Variants in NAALADL2 observed in about 807,000 individuals in gnomAD.
The protein encoded by NAALADL2 is inactive N-acetylated-alpha-linked acidic dipeptidase-like protein 2.
A neutral mutation model predicts 87.2 loss-of-function variants in NAALADL2; 76 were observed. The observed-to-expected ratio is 0.87, with a 90% confidence interval of 0.72 to 1.05. The LOEUF (loss-of-function observed/expected upper bound fraction) is 1.05. Ranked by LOEUF, NAALADL2 falls within the 50% of genes least tolerant of loss-of-function variation. The pLI, the probability that NAALADL2 is intolerant of heterozygous loss-of-function variation, is 0.00. For synonymous variants in NAALADL2, 354 were observed against 331.0 expected (o/e 1.07, Z -0.75); for missense variants, 1,089 against 945.8 (o/e 1.15, Z -1.99).
At chr3:175,511,735 G>C (rs1731186996) in intron 9 of NAALADL2, among the ~76,000 whole-genome samples, 1 of 152,158 alleles carries the variant, frequency 6.6e-6, no homozygotes, top group Admixed American at 6.5e-5. Flanking sequence ...CACAGATTCT[G>C]ACAGAGCCAT....
Position 174,789,614 on chromosome 3 carries a change from G to A in NAALADL2, c.-9+51868G>A, listed in dbSNP as rs533901562. The stretch of plus-strand genomic sequence containing the variant: ...ACAAAAACACAAGAAAACAAAACTA[G>A]AACATGTTTTTAAAACAGCACCCAA... On this transcript the variant is annotated intron_variant, in intron 3 of 3. Coordinates refer to the NAALADL2 transcript ENST00000434257. Among the ~76,000 whole-genome samples, 8 of 152,172 alleles carry A rather than the reference G, an allele frequency of 5.3e-5. No individual in the cohort carries two copies. In the South Asian group the frequency reaches 1.7e-3, roughly 32 times the overall value.
chr3:174,568,838 A>G (rs756793310), intron 2 of NAALADL2, among the ~76,000 whole-genome samples: 16 of 151,406 alleles, frequency 1.1e-4, no homozygotes, highest in Admixed American at 5.3e-4. Flanking sequence ...TTTTTTTAAA[A>G]TTATTATTCT....
intron 1 of NAALADL2, among the ~76,000 whole-genome samples, chr3:174,503,837 C>A (rs1448766345): frequency 1.3e-5 from 2 of 151,968 alleles, no homozygotes; most frequent in African/African-American, 4.8e-5. Context: ...CAGAATTTTT[C>A]TTTTATTGAA....
At chr3:175,434,893 T>C (rs898955711) in intron 5 of NAALADL2, among the ~76,000 whole-genome samples, 2 of 152,044 alleles carry the variant, frequency 1.3e-5, no homozygotes, top group African/African-American at 2.4e-5. Context: ...CTAGATATTT[T>C]ATCTGTCTCT....
rs1754868544 is a variant in NAALADL2 at position 175,808,119 on chromosome 3, T to C, written c.*4916T>C. ...TTTTAGTTTCATAATATCGTTCCAT[T>C]GCCTGACAAAGATATACACACTGAA... On this transcript the variant is annotated 3_prime_UTR_variant, in exon 14 of 14. Coordinates refer to ENST00000454872, the MANE Select transcript of NAALADL2 (RefSeq NM_207015.3). 6.6e-6 allele frequency: 1 copy of C among 151,924 alleles called. No homozygotes were observed. The highest frequency in any genetic ancestry group is 6.6e-5 in the Admixed American group (1 of 15,194). The allele number at this position is 151,924 out of a possible 1,614,324, so 9.4% of individuals were successfully genotyped here.
chr3:175,129,477 AC>A (rs1451487880), intron 2 of NAALADL2, among the ~76,000 whole-genome samples: 1 of 151,634 alleles, frequency 6.6e-6, no homozygotes, highest in Non-Finnish European at 1.5e-5. Context: ...CCCATTCCCC[AC>A]CCCTGTCCAG....
At chr3:175,689,716 G>A (rs558570263) in intron 11 of NAALADL2, among the ~76,000 whole-genome samples, 2 of 152,156 alleles carry the variant, frequency 1.3e-5, no homozygotes, top group South Asian at 2.1e-4. Flanking sequence ...ACTGGTCTCC[G>A]ATGTTTAGAG....
intron 11 of NAALADL2, among the ~76,000 whole-genome samples, chr3:175,654,511 G>T (rs1731190695): frequency 6.6e-6 from 1 of 152,082 alleles, no homozygotes; most frequent in South Asian, 2.1e-4. Context: ...CATTGACTTT[G>T]CTTTATCTCA....
At chr3:175,172,537 C>T (rs1734998584) in intron 2 of NAALADL2, among the ~76,000 whole-genome samples, 1 of 152,080 alleles carries the variant, frequency 6.6e-6, no homozygotes. Context: ...TAATATGTCA[C>T]ACATTTAATA....
intron 1 of NAALADL2, among the ~76,000 whole-genome samples, chr3:174,979,810 A>G (rs1352956051): frequency 2.6e-5 from 4 of 152,180 alleles, no homozygotes; most frequent in African/African-American, 9.7e-5. Context: ...AAATAGAAAT[A>G]TTTCTGGCAT....
At chr3:175,406,060 C>T (rs1205593298) in intron 5 of NAALADL2, among the ~76,000 whole-genome samples, 3 of 152,050 alleles carry the variant, frequency 2.0e-5, no homozygotes, top group East Asian at 1.9e-4. Flanking sequence ...AGTTTATAGC[C>T]GGTGTTGCAG....
intron 1 of NAALADL2, among the ~76,000 whole-genome samples, chr3:175,056,650 C>T (rs1453133290): frequency 6.6e-6 from 1 of 152,114 alleles, no homozygotes; most frequent in East Asian, 1.9e-4. Flanking sequence ...CAGAGATTTA[C>T]CTATGTATTT....
At chr3:174,679,013 G>C (rs142302136) in intron 2 of NAALADL2, among the ~76,000 whole-genome samples, 31 of 152,024 alleles carry the variant, frequency 2.0e-4, no homozygotes, top group African/African-American at 7.5e-4. Flanking sequence ...TTACTGTGCT[G>C]TGTCTAGATA....
At chr3:175,384,102 C>T (rs924188338) in intron 5 of NAALADL2, among the ~76,000 whole-genome samples, 1 of 152,018 alleles carries the variant, frequency 6.6e-6, no homozygotes, top group African/African-American at 2.4e-5. Flanking sequence ...TTGAATCTCT[C>T]TTTTCTCCCC....
At chr3:175,703,909 G>T (rs1031812589) in intron 11 of NAALADL2, among the ~76,000 whole-genome samples, 16 of 152,044 alleles carry the variant, frequency 1.1e-4, no homozygotes, top group Non-Finnish European at 5.9e-5. Context: ...TATGACAGGG[G>T]TTAAGCTAAA....
chr3:175,059,901 G>A, intron 1 of NAALADL2: 2 of 389,706 alleles, frequency 5.1e-6, no homozygotes, highest in African/African-American at 2.2e-5. Flanking sequence ...CAGGCAATGG[G>A]CCAGAGACTG....
Position 175,639,318 on chromosome 3 carries a change from CTT to C in NAALADL2, c.1896+11951_1896+11952del, listed in dbSNP as rs756214274. Among the ~76,000 whole-genome samples the C allele has an allele frequency of 8.1e-3, 882 of 108,694 alleles. 6 individuals are homozygous for C. Among genetic ancestry groups the C allele is most frequent in the African/African-American group, 0.034 (831 of 24,154 alleles). The allele number at this position is 108,694 out of a possible 152,430, so 71.3% of individuals were successfully genotyped here. On this transcript the variant is annotated intron_variant, in intron 11 of 13. Coordinates refer to ENST00000454872, the MANE Select transcript of NAALADL2 (RefSeq NM_207015.3). ...GCAGTTTTTTTTCAAAAGCGTTATTCTTTTTTTTTTTTTTTTTTTTGAGACGG... is the reference window on the plus strand; with the variant it reads ...GCAGTTTTTTTTCAAAAGCGTTATTCTTTTTTTTTTTTTTTTTTGAGACGG...
chr3:174,491,635 C>T (rs756991883), intron 1 of NAALADL2, among the ~76,000 whole-genome samples: 6 of 152,060 alleles, frequency 3.9e-5, no homozygotes, highest in East Asian at 1.9e-4. Context: ...CAAAGGAATT[C>T]GTTATGTCTT....
intron 1 of NAALADL2, among the ~76,000 whole-genome samples, chr3:175,062,800 C>T (rs1281447612): frequency 1.3e-5 from 2 of 151,764 alleles, no homozygotes; most frequent in African/African-American, 4.8e-5. Flanking sequence ...GAAAACAAAC[C>T]CTAATTGTAT....
Sources: gnomAD v4.1 joint callset for allele counts (sites outside exome capture counted in the v4.1 genomes callset) on GRCh38, gnomAD v4.1.1 for gene constraint, MANE v1.5 for transcripts, NCBI Gene and HGNC (gene_info 2026-07-23, HGNC 2026-07-21) for gene names.